Variants in CAPN2 observed in about 807,000 individuals in gnomAD.
CAPN2 encodes calpain-2 catalytic subunit.
A neutral mutation model predicts 102.3 loss-of-function variants in CAPN2; 92 were observed. The observed-to-expected ratio is 0.90, with a 90% CI of 0.76 to 1.07. CAPN2 has a LOEUF of 1.07. Ranked by LOEUF, CAPN2 falls within the 50% of genes least tolerant of loss-of-function variation. The pLI, the probability that CAPN2 is intolerant of heterozygous loss-of-function variation, is 0.00. For synonymous variants in CAPN2, 340 were observed against 355.4 expected, an observed-to-expected ratio of 0.96 and a Z score of 0.49; for missense variants, 800 against 909.4, an observed-to-expected ratio of 0.88 and a Z score of 1.55.
chr1:223,718,815 C>T (rs1013650725), intron 2 of CAPN2, among the ~76,000 whole-genome samples: 1 of 152,224 alleles, frequency 6.6e-6, no homozygotes, highest in South Asian at 2.1e-4. Flanking sequence ...ATATGTATCT[C>T]TAAGGCACCG....
rs1444393020 is a variant in CAPN2 at position 223,749,325 on chromosome 1, T to C, written c.813+203T>C. 6.7e-6 allele frequency: 4 copies of C among 594,492 alleles called. No homozygotes were observed. The East Asian group carries it at 1.1e-4, about 17-fold the overall frequency. The allele number at this position is 594,492 out of a possible 1,614,324, so 36.8% of individuals were successfully genotyped here. On this transcript the variant is annotated intron_variant, in intron 6 of 20. Transcript: ENST00000295006. ...CCGGGTGCGCCGCGCTGCCACCTGG[T>C]GGCCGCAGTGGCCGGCGCCAGGGGC...
At chr1:223,745,913 T>C (rs1324587657) in intron 4 of CAPN2, among the ~76,000 whole-genome samples, 1 of 152,204 alleles carries the variant, frequency 6.6e-6, no homozygotes, top group African/African-American at 2.4e-5. Context: ...ATTGCAGAGG[T>C]AGGAAACTTG....
intron 7 of CAPN2, among the ~76,000 whole-genome samples, chr1:223,751,780 C>T (rs1035695176): frequency 2.0e-5 from 3 of 152,210 alleles, no homozygotes; most frequent in Non-Finnish European, 4.4e-5. Flanking sequence ...CTCACCCGCT[C>T]ACTTTGCTCC....
At chr1:223,728,142 C>A (rs1359914917) in intron 2 of CAPN2, among the ~76,000 whole-genome samples, 1 of 152,124 alleles carries the variant, frequency 6.6e-6, no homozygotes, top group Non-Finnish European at 1.5e-5. Flanking sequence ...GTGTAACAAT[C>A]CACCCCAAAA....
intron 16 of CAPN2, among the ~76,000 whole-genome samples, chr1:223,768,433 T>C (rs1235885596): frequency 1.3e-5 from 2 of 151,546 alleles, no homozygotes; most frequent in East Asian, 1.9e-4. Context: ...CCCAGCACCA[T>C]TTATTAAATA....
At chr1:223,702,522 G>A (rs1268297631) in intron 1 of CAPN2, among the ~76,000 whole-genome samples, 2 of 152,098 alleles carry the variant, frequency 1.3e-5, no homozygotes, top group Non-Finnish European at 2.9e-5. Context: ...AGAATTATTT[G>A]GACACCATCA....
In CAPN2 at chr1:223,762,354, CTG is replaced by C. The variant is rs368727550; in HGVS notation, c.1632+104_1632+105del. The C allele has an allele frequency of 7.7e-4, 723 of 933,332 alleles. 3 individuals carry two copies. In the African/African-American group the frequency reaches 0.01, roughly 13 times the overall value. 57.8% of individuals were successfully genotyped at this position (933,332 alleles called of 1,614,324 possible). ...TAGTTTAAAGGGGAGAGGAAACAAA[CTG>C]AACAAAAGCAAAGAGAAATTGCAAA... is the stretch of plus-strand genomic sequence containing the variant. On this transcript the variant is annotated intron_variant, in intron 14 of 20. Coordinates refer to ENST00000295006, the MANE Select transcript of CAPN2 (RefSeq NM_001748.5).
At chr1:223,733,289 G>A (rs958360890) in intron 2 of CAPN2, among the ~76,000 whole-genome samples, 1 of 152,116 alleles carries the variant, frequency 6.6e-6, no homozygotes, top group Non-Finnish European at 1.5e-5. Flanking sequence ...AGGAGAAAAT[G>A]CAGAGCAAAT....
chr1:223,738,488 A>T (rs1218736904), intron 2 of CAPN2, among the ~76,000 whole-genome samples: 1 of 152,228 alleles, frequency 6.6e-6, no homozygotes, highest in Non-Finnish European at 1.5e-5. Context: ...TATTTTTATT[A>T]GCATTACATT....
At chr1:223,717,610 A>G (rs749275539) in intron 1 of CAPN2, 152 bp from the exon 2 acceptor site, 1 of 663,180 alleles carries the variant, frequency 1.5e-6, no homozygotes, top group Non-Finnish European at 2.7e-6. Flanking sequence ...GAAGGACCTC[A>G]TGACACAGAG....
intron 15 of CAPN2, 114 bp from the exon 16 acceptor site, chr1:223,766,252 GA>G (rs1166696508): frequency 1.2e-5 from 9 of 740,804 alleles, no homozygotes; most frequent in Non-Finnish European, 1.7e-5. Flanking sequence ...TAATATAATG[GA>G]AGTGGCTTCT....
At chr1:223,713,113 G>A (rs1477358293) in intron 1 of CAPN2, among the ~76,000 whole-genome samples, 1 of 152,184 alleles carries the variant, frequency 6.6e-6, no homozygotes, top group Non-Finnish European at 1.5e-5. Context: ...TCCTGGGCGG[G>A]TCGAGGCGAA....
chr1:223,739,182 A>AT (rs5781334), intron 2 of CAPN2, among the ~76,000 whole-genome samples: 109,972 of 132,466 alleles, frequency 0.83, 46,913 homozygotes, highest in South Asian at 0.95. Context: ...GCATAAACAG[A>AT]TTTTTTTTTT....
At chr1:223,714,621 T>TAAAAA (rs373544472) in intron 1 of CAPN2, among the ~76,000 whole-genome samples, 12,563 of 130,538 alleles carry the variant, frequency 0.096, 995 homozygotes, top group African/African-American at 0.2. Context: ...TATAAAAAAG[T>TAAAAA]AAAAAAAAAA....
At chr1:223,753,060 G>A in intron 9 of CAPN2, 104 bp downstream of exon 9, 1 of 1,067,804 alleles carries the variant, frequency 9.4e-7, no homozygotes, top group Non-Finnish European at 1.4e-6. Context: ...GCAGCCCCAG[G>A]AGGCAGCTCC....
chr1:223,730,835 C>T (rs533375920), intron 2 of CAPN2, among the ~76,000 whole-genome samples: 2 of 152,322 alleles, frequency 1.3e-5, no homozygotes, highest in African/African-American at 4.8e-5. Flanking sequence ...TTTTAGTTTA[C>T]AGTAGGCTGA....
rs1392832046 is a variant in CAPN2, at chr1:223,754,595, G to T, written c.1136-885G>T. Among the ~76,000 whole-genome samples the T allele has an allele frequency of 6.6e-6, 1 of 152,232 alleles. No individual in the cohort carries two copies. The highest frequency in any genetic ancestry group is 1.5e-5 in the Non-Finnish European group (1 of 68,044). On this transcript the variant is annotated intron_variant, in intron 9 of 20. Transcript: ENST00000295006. The surrounding 1 kb of genome is among the most constrained non-coding windows in gnomAD (Gnocchi z 4.7). ...ACAAGATGGTGCCTGTAATTTCACA[G>T]TTAGGGTTTTATCCCATTAGGTATG...
intron 1 of CAPN2, among the ~76,000 whole-genome samples, chr1:223,704,039 C>G (rs529216068): frequency 4.6e-5 from 7 of 151,588 alleles, no homozygotes; most frequent in African/African-American, 1.5e-4. Flanking sequence ...ACCTGTAATC[C>G]GAGCACTTTG....
At chr1:223,738,111 CTT>C (rs927337436) in intron 2 of CAPN2, among the ~76,000 whole-genome samples, 4 of 152,142 alleles carry the variant, frequency 2.6e-5, no homozygotes, top group South Asian at 2.1e-4. Flanking sequence ...TTTAAATAAA[CTT>C]ATCAGAATCA....
Sources: allele counts gnomAD v4.1 joint callset (sites outside exome capture counted in the v4.1 genomes callset), GRCh38; gene constraint gnomAD v4.1.1; non-coding constraint Gnocchi (gnomAD v3.1); transcripts MANE v1.5; gene names NCBI Gene and HGNC (gene_info 2026-07-23, HGNC 2026-07-21).